CACNA2D3: variants seen among roughly 807,000 people sequenced by gnomAD.
CACNA2D3 encodes the protein calcium voltage-gated channel auxiliary subunit alpha2delta 3, also known as voltage-dependent calcium channel subunit alpha-2/delta-3.
A neutral mutation model predicts 160.6 loss-of-function variants in CACNA2D3; 60 were observed. The ratio of observed to expected loss-of-function variants is 0.37; its 90% CI spans 0.30 to 0.46. The LOEUF (loss-of-function observed/expected upper bound fraction) is 0.46, where lower values mean the gene tolerates loss of function less well. Ranked by LOEUF, CACNA2D3 falls within the 20% of genes least tolerant of loss-of-function variation. The pLI is 1.00. For synonymous variants in CACNA2D3, 558 were observed against 492.9 expected (o/e 1.13, Z -1.75); for missense variants, 1,205 against 1,365.0 (o/e 0.88, Z 1.85).
intron 13 of CACNA2D3, among the ~76,000 whole-genome samples, chr3:54,816,043 T>C (rs201585516): frequency 1.3e-5 from 2 of 152,148 alleles, no homozygotes; most frequent in East Asian, 3.9e-4. Context: ...GTCTCGTAAA[T>C]GTTGATCTTT....
At chr3:54,629,621 C>T (rs1236971866) in intron 10 of CACNA2D3, among the ~76,000 whole-genome samples, 1 of 152,166 alleles carries the variant, frequency 6.6e-6, no homozygotes, top group Non-Finnish European at 1.5e-5. Flanking sequence ...TTGGACAGTA[C>T]ATCTCTGTTG....
chr3:54,235,783 A>G (rs1701861684), intron 2 of CACNA2D3, among the ~76,000 whole-genome samples: 1 of 152,158 alleles, frequency 6.6e-6, no homozygotes, highest in South Asian at 2.1e-4. Flanking sequence ...CAGACAAGGA[A>G]TTGCAAATAA....
At chr3:54,196,060 T>C (rs1431175763) in intron 2 of CACNA2D3, among the ~76,000 whole-genome samples, 1 of 152,204 alleles carries the variant, frequency 6.6e-6, no homozygotes, top group Non-Finnish European at 1.5e-5. Flanking sequence ...CTTGTGTGGT[T>C]GGCATTTGTA....
chr3:54,458,566 A>G (rs780544631), intron 4 of CACNA2D3, among the ~76,000 whole-genome samples: 1 of 149,898 alleles, frequency 6.7e-6, no homozygotes, highest in African/African-American at 2.5e-5. Context: ...TTTGTATGTG[A>G]TTTGATGTTT....
chr3:55,059,946 C>T (rs981508960), intron 35 of CACNA2D3, among the ~76,000 whole-genome samples: 2 of 151,948 alleles, frequency 1.3e-5, no homozygotes, highest in Non-Finnish European at 2.9e-5. Context: ...TTTATCTGCT[C>T]GTCTGCTTGT....
intron 5 of CACNA2D3, among the ~76,000 whole-genome samples, chr3:54,507,282 A>G (rs1701386352): frequency 6.6e-6 from 1 of 151,924 alleles, no homozygotes; most frequent in Admixed American, 6.5e-5. Flanking sequence ...TGCTTGTCCT[A>G]ATGCCTATTC....
intron 5 of CACNA2D3, among the ~76,000 whole-genome samples, chr3:54,517,863 C>G (rs1701579259): frequency 6.6e-6 from 1 of 152,108 alleles, no homozygotes; most frequent in South Asian, 2.1e-4. Context: ...AGGGCTGTCT[C>G]ATAGCCAGTG....
At chr3:54,646,200 T>C (rs184628735) in intron 11 of CACNA2D3, among the ~76,000 whole-genome samples, 2,984 of 18,510 alleles carry the variant, frequency 0.16, 609 homozygotes, top group Non-Finnish European at 0.2. Flanking sequence ...CCTTGCTTCC[T>C]TCCTTCCTTC....
At chr3:54,707,980 C>G (rs1419620953) in intron 11 of CACNA2D3, among the ~76,000 whole-genome samples, 1 of 152,044 alleles carries the variant, frequency 6.6e-6, no homozygotes, top group Non-Finnish European at 1.5e-5. Flanking sequence ...ACTTTAAGTC[C>G]ACCTGTATCC....
chr3:54,879,270 T>G (rs1451400851), intron 19 of CACNA2D3, 80 bp from the exon 20 acceptor site: 3 of 1,112,428 alleles, frequency 2.7e-6, no homozygotes, highest in Non-Finnish European at 3.9e-6. Flanking sequence ...CCATTTATTT[T>G]TATTTATTTC....
At chr3:54,122,976 A>T in intron 1 of CACNA2D3, 141 bp downstream of exon 1, 1 of 784,310 alleles carries the variant, frequency 1.3e-6, no homozygotes, top group South Asian at 6.7e-5. Flanking sequence ...GCCTTTCGGG[A>T]CCCGCGTCGG....
rs751213857 is a variant in CACNA2D3, at chr3:54,246,724, C to CAAAA, written c.205-73714_205-73711dup. ...GGGCAACAGGAGAGAAACTCCATCT[C>CAAAA]AAAAAAACAAAAAAAAGAGCCAGAA... On this transcript the variant is annotated intron_variant, in intron 2 of 37. Coordinates refer to ENST00000474759, the MANE Select transcript of CACNA2D3 (RefSeq NM_018398.3). Among the ~76,000 whole-genome samples the CAAAA allele has an allele frequency of 2.4e-3, 348 of 147,758 alleles. 3 individuals carry two copies. The East Asian group carries it at 0.034, about 14-fold the overall frequency.
intron 27 of CACNA2D3, among the ~76,000 whole-genome samples, chr3:54,950,477 A>T (rs534912951): frequency 6.6e-6 from 1 of 152,316 alleles, no homozygotes; most frequent in South Asian, 2.1e-4. Context: ...CAAGGCAGCG[A>T]TATAATGCTG....
chr3:54,823,159 A>G (rs182273507), intron 14 of CACNA2D3, among the ~76,000 whole-genome samples: 2 of 151,996 alleles, frequency 1.3e-5, no homozygotes, highest in African/African-American at 2.4e-5. Flanking sequence ...CCAGCCTGCT[A>G]TTTGCATTTC....
intron 2 of CACNA2D3, among the ~76,000 whole-genome samples, chr3:54,258,363 T>G (rs1406361824): frequency 6.6e-6 from 1 of 151,916 alleles, no homozygotes; most frequent in Admixed American, 6.6e-5. Context: ...TAAATGAGAG[T>G]CTGAACCCCT....
chr3:54,431,592 A>AT (rs1389637663), intron 4 of CACNA2D3, among the ~76,000 whole-genome samples: 1 of 152,058 alleles, frequency 6.6e-6, no homozygotes, highest in Non-Finnish European at 1.5e-5. Flanking sequence ...TATTTTTAAA[A>AT]TTTTATGGTT....
intron 5 of CACNA2D3, among the ~76,000 whole-genome samples, chr3:54,525,879 A>G (rs1476567395): frequency 1.3e-5 from 2 of 151,770 alleles, no homozygotes; most frequent in East Asian, 1.9e-4. Context: ...TTATTTTTCA[A>G]TAATTTTAGA....
At chr3:54,554,864 C>T (rs1172197779) in intron 5 of CACNA2D3, among the ~76,000 whole-genome samples, 2 of 111,524 alleles carry the variant, frequency 1.8e-5, no homozygotes, top group Non-Finnish European at 3.5e-5. Context: ...TTTTCTCTCT[C>T]ACTCTCTTTT....
chr3:54,723,883 A>C (rs1701224477), intron 11 of CACNA2D3, among the ~76,000 whole-genome samples: 1 of 152,228 alleles, frequency 6.6e-6, no homozygotes, highest in Non-Finnish European at 1.5e-5. Context: ...ACAACCAGCT[A>C]GCATCATAAT....
Sources: allele counts gnomAD v4.1 joint callset (sites outside exome capture counted in the v4.1 genomes callset), GRCh38; gene constraint gnomAD v4.1.1; transcripts MANE v1.5; gene names NCBI Gene and HGNC (gene_info 2026-07-23, HGNC 2026-07-21).